Variants in STX8 observed in about 807,000 individuals in gnomAD.
STX8 encodes the protein syntaxin 8, also known as syntaxin-8.
In STX8, 23 loss-of-function variants were observed where a neutral mutation model predicts 37.5. The observed-to-expected ratio is 0.61, with a 90% CI of 0.44 to 0.87. STX8 has a LOEUF of 0.87. Among genes scored for constraint, STX8 ranks in the 40% least tolerant of loss-of-function variants. The pLI, the probability that STX8 is intolerant of heterozygous loss-of-function variation, is 0.00. For missense variants in STX8, 313 were observed against 284.7 expected (o/e 1.10, Z -0.71); for synonymous variants, 115 against 99.1 (o/e 1.16, Z -0.95).
At chr17:9,398,499 T>C (rs1244410829) in intron 6 of STX8, among the ~76,000 whole-genome samples, 3 of 152,146 alleles carry the variant, frequency 2.0e-5, no homozygotes, top group African/African-American at 7.2e-5. Context: ...CTAAATATAA[T>C]GCCGTATCCT....
chr17:9,338,894 A>G (rs919219164), intron 7 of STX8, among the ~76,000 whole-genome samples: 6 of 151,946 alleles, frequency 3.9e-5, no homozygotes, highest in African/African-American at 1.4e-4. Context: ...ACACAGTGAA[A>G]CCCTGTCTCT....
At chr17:9,458,828 A>ATTT (rs140952416) in intron 6 of STX8, among the ~76,000 whole-genome samples, 18 of 122,054 alleles carry the variant, frequency 1.5e-4, no homozygotes, top group Non-Finnish European at 2.7e-4. Context: ...CAGTTATTTA[A>ATTT]TTTTTTTTTT....
At chr17:9,254,053 A>G (rs1013973045) in intron 7 of STX8, among the ~76,000 whole-genome samples, 8 of 152,134 alleles carry the variant, frequency 5.3e-5, no homozygotes, top group Non-Finnish European at 5.9e-5. Context: ...CAGAATGTAA[A>G]GGAGATCAGG....
At chr17:9,287,924 A>G (rs1222860601) in intron 7 of STX8, among the ~76,000 whole-genome samples, 1 of 151,624 alleles carries the variant, frequency 6.6e-6, no homozygotes. Context: ...CTAATTTGGT[A>G]TTTTTGGTAG....
At chr17:9,515,775 T>A (rs917797167) in intron 4 of STX8, among the ~76,000 whole-genome samples, 3 of 152,174 alleles carry the variant, frequency 2.0e-5, no homozygotes, top group African/African-American at 7.2e-5. Flanking sequence ...CCTCCCACCT[T>A]GGCCTCCCAA....
At chr17:9,297,780 G>A (rs939593937) in intron 7 of STX8, among the ~76,000 whole-genome samples, 2 of 152,180 alleles carry the variant, frequency 1.3e-5, no homozygotes, top group Non-Finnish European at 2.9e-5. Flanking sequence ...GGAGGTTGAG[G>A]CAGGAGAATC....
chr17:9,359,627 C>G (rs1910997154), intron 7 of STX8, among the ~76,000 whole-genome samples: 1 of 151,526 alleles, frequency 6.6e-6, no homozygotes, highest in Non-Finnish European at 1.5e-5. Context: ...CCCGCCTCAG[C>G]CTCCCAAATA....
chr17:9,571,762 A>C (rs1907700037), intron 1 of STX8, among the ~76,000 whole-genome samples: 1 of 151,826 alleles, frequency 6.6e-6, no homozygotes, highest in Middle Eastern at 3.2e-3. Flanking sequence ...TAAAAATACA[A>C]AAATTAGCCG....
intron 6 of STX8, among the ~76,000 whole-genome samples, chr17:9,419,138 G>C (rs1413898073): frequency 6.6e-6 from 1 of 151,790 alleles, no homozygotes; most frequent in Non-Finnish European, 1.5e-5. Context: ...TGTTGTTCAG[G>C]CTGGTCCAGA....
intron 6 of STX8, among the ~76,000 whole-genome samples, chr17:9,418,699 C>T (rs1357289251): frequency 1.3e-5 from 2 of 151,178 alleles, no homozygotes; most frequent in East Asian, 2.0e-4. Flanking sequence ...TGGTGGCGGG[C>T]GCCTGTAGTC....
intron 7 of STX8, among the ~76,000 whole-genome samples, chr17:9,324,101 C>G (rs1909668218): frequency 7.0e-6 from 1 of 142,894 alleles, no homozygotes; most frequent in African/African-American, 2.7e-5. Flanking sequence ...CTCTCTCTCT[C>G]TCTCTCTGTC....
chr17:9,439,471 A>G (rs1046002332), intron 6 of STX8, among the ~76,000 whole-genome samples: 1 of 151,972 alleles, frequency 6.6e-6, no homozygotes, highest in African/African-American at 2.4e-5. Flanking sequence ...TTCAATAGTC[A>G]TATCTTCTCC....
At chr17:9,372,462 A>T (rs1046747941) in intron 7 of STX8, among the ~76,000 whole-genome samples, 1 of 151,948 alleles carries the variant, frequency 6.6e-6, no homozygotes, top group Admixed American at 6.6e-5. Flanking sequence ...GATTAAAAAA[A>T]TTATTTTTAT....
intron 4 of STX8, among the ~76,000 whole-genome samples, chr17:9,526,390 C>A (rs563912123): frequency 6.6e-6 from 1 of 152,166 alleles, no homozygotes; most frequent in African/African-American, 2.4e-5. Context: ...CGCCCCCACC[C>A]GCCACTCCAC....
At chr17:9,391,005 G>A (rs1321619068) in intron 6 of STX8, among the ~76,000 whole-genome samples, 3 of 152,114 alleles carry the variant, frequency 2.0e-5, no homozygotes, top group Non-Finnish European at 2.9e-5. Context: ...CTCCATATTA[G>A]TCATTATTAC....
intron 6 of STX8, among the ~76,000 whole-genome samples, chr17:9,404,957 C>T (rs1173378492): frequency 6.6e-6 from 1 of 152,150 alleles, no homozygotes; most frequent in Non-Finnish European, 1.5e-5. Flanking sequence ...ATCTTGAAAC[C>T]CTTCAACCTC....
chr17:9,362,544 C>T (rs751080035), intron 7 of STX8, among the ~76,000 whole-genome samples: 4 of 152,036 alleles, frequency 2.6e-5, no homozygotes, highest in Admixed American at 2.6e-4. Flanking sequence ...TCTGGCTGGG[C>T]GCGGTGGCTC....
At chr17:9,558,474 G>C (rs1039369161) in intron 2 of STX8, among the ~76,000 whole-genome samples, 1 of 152,112 alleles carries the variant, frequency 6.6e-6, no homozygotes, top group Non-Finnish European at 1.5e-5. Context: ...ATACCCCTGG[G>C]AACCAAGGAA....
chr17:9,512,605 G>A (rs12103908), intron 4 of STX8, among the ~76,000 whole-genome samples: 5,418 of 152,064 alleles, frequency 0.036, 368 homozygotes, highest in African/African-American at 0.12. Flanking sequence ...TGGGATTACA[G>A]GCACACGCCA....
Sources: gnomAD v4.1 joint callset for allele counts (sites outside exome capture counted in the v4.1 genomes callset) on GRCh38, gnomAD v4.1.1 for gene constraint, MANE v1.5 for transcripts, NCBI Gene and HGNC (gene_info 2026-07-23, HGNC 2026-07-21) for gene names.